Variants in SPOCK1 observed in about 807,000 individuals in gnomAD.
SPOCK1 encodes SPARC (osteonectin), cwcv and kazal like domains proteoglycan 1.
In SPOCK1, 23 loss-of-function variants were observed where a neutral mutation model predicts 55.3. The observed-to-expected ratio is 0.42, with a 90% CI of 0.30 to 0.59. The LOEUF is 0.59. SPOCK1 is among the 20% of genes least tolerant of loss of function. SPOCK1 has a pLI of 0.22. For synonymous variants in SPOCK1, 226 were observed against 221.0 expected (o/e 1.02, Z -0.20); for missense variants, 499 against 552.5 (o/e 0.90, Z 0.97).
chr5:137,476,168 T>G (rs762213836), intron 2 of SPOCK1, among the ~76,000 whole-genome samples: 7 of 152,168 alleles, frequency 4.6e-5, no homozygotes, highest in African/African-American at 7.2e-5. Flanking sequence ...ACAGTTATTT[T>G]TCCTGATTCT....
chr5:137,072,347 C>G (rs1752636612), intron 5 of SPOCK1, among the ~76,000 whole-genome samples: 1 of 152,172 alleles, frequency 6.6e-6, no homozygotes, highest in Non-Finnish European at 1.5e-5. Flanking sequence ...CATACTCATA[C>G]ACAACATATT....
intron 3 of SPOCK1, among the ~76,000 whole-genome samples, chr5:137,252,891 AC>A (rs1385791777): frequency 2.0e-5 from 3 of 152,140 alleles, no homozygotes; most frequent in Non-Finnish European, 4.4e-5. Context: ...AAGCTGGACA[AC>A]AGCACACTGG....
intron 3 of SPOCK1, among the ~76,000 whole-genome samples, chr5:137,183,653 T>C (rs550430633): frequency 3.9e-5 from 6 of 152,332 alleles, no homozygotes; most frequent in South Asian, 4.1e-4. Context: ...CTGTGGGTCA[T>C]CAGCTACCTG....
chr5:137,404,120 C>G (rs1043129459), intron 2 of SPOCK1, among the ~76,000 whole-genome samples: 1 of 152,176 alleles, frequency 6.6e-6, no homozygotes, highest in Non-Finnish European at 1.5e-5. Context: ...ACACTCACTG[C>G]TCTGATCCTG....
In SPOCK1 at chr5:136,978,514, T is replaced by TTGTC; in HGVS notation, c.*136_*139dup. Reference sequence around the variant, plus strand: ...ATCAGAATCCTCTGGGAACAAGCAGTTGTCTTCCAAACCTTAGGTCGGGTA... The same window carrying TTGTC: ...ATCAGAATCCTCTGGGAACAAGCAGTTGTCTGTCTTCCAAACCTTAGGTCGGGTA... On this transcript the variant is annotated 3_prime_UTR_variant, in exon 11 of 11. Coordinates refer to ENST00000394945, the MANE Select transcript of SPOCK1 (RefSeq NM_004598.4). 1.3e-6 allele frequency: 1 copy of TTGTC among 751,800 alleles called. No homozygotes were observed. Among genetic ancestry groups the TTGTC allele is most frequent in the East Asian group, 2.9e-5 (1 of 34,828 alleles). 46.6% of individuals were successfully genotyped at this position (751,800 alleles called of 1,614,324 possible). A position where few individuals can be genotyped will look rare whatever the true frequency, so the allele number is the denominator to read the frequency against.
At chr5:137,453,602 G>T (rs1753304020) in intron 2 of SPOCK1, among the ~76,000 whole-genome samples, 1 of 152,124 alleles carries the variant, frequency 6.6e-6, no homozygotes. Flanking sequence ...CTAATTTCAG[G>T]GAGCAAAAGG....
chr5:137,067,282 T>G (rs1474926602), intron 6 of SPOCK1, among the ~76,000 whole-genome samples: 1 of 152,160 alleles, frequency 6.6e-6, no homozygotes, highest in Non-Finnish European at 1.5e-5. Flanking sequence ...CAGAATATAT[T>G]AATAAAGAAA....
At position 137,245,108 on chromosome 5, in the gene SPOCK1, C is replaced by T. The variant is rs184102490; in HGVS notation, c.232+21902G>A. 1.6e-4 allele frequency among the ~76,000 whole-genome samples: 24 copies of T among 152,214 alleles called. No individual in the cohort carries two copies. In the East Asian group the frequency reaches 2.1e-3, roughly 13 times the overall value. On this transcript the variant is annotated intron_variant, in intron 3 of 10. Transcript: ENST00000394945. ...CTCTCTCCCTCCCACCCCTATCCTC[C>T]GCAAAATTAACAAGGTATTAGTGAA...
chr5:137,456,510 T>C (rs1245119555), intron 2 of SPOCK1, among the ~76,000 whole-genome samples: 1 of 152,230 alleles, frequency 6.6e-6, no homozygotes, highest in Non-Finnish European at 1.5e-5. Context: ...AGATTGTATA[T>C]TTATATCCAA....
intron 2 of SPOCK1, among the ~76,000 whole-genome samples, chr5:137,389,032 C>A (rs889411809): frequency 1.3e-5 from 2 of 152,208 alleles, no homozygotes; most frequent in Non-Finnish European, 2.9e-5. Context: ...AAAGACCAAT[C>A]AAGACAGGAT....
At chr5:137,354,002 T>A (rs985947524) in intron 2 of SPOCK1, among the ~76,000 whole-genome samples, 2 of 152,144 alleles carry the variant, frequency 1.3e-5, no homozygotes, top group Non-Finnish European at 2.9e-5. Flanking sequence ...CTGCCGAAAG[T>A]GGGAAACTCT....
chr5:136,980,567 A>C (rs1207213983), intron 9 of SPOCK1, among the ~76,000 whole-genome samples: 1 of 152,186 alleles, frequency 6.6e-6, no homozygotes, highest in Non-Finnish European at 1.5e-5. Context: ...AAGTCTCACA[A>C]GATCTGATAG....
At chr5:137,079,391 C>T (rs2127012646) in intron 5 of SPOCK1, among the ~76,000 whole-genome samples, 1 of 150,868 alleles carries the variant, frequency 6.6e-6, no homozygotes, top group East Asian at 2.0e-4. Context: ...GCTCTGTTGT[C>T]ATCTCCAATG....
intron 3 of SPOCK1, among the ~76,000 whole-genome samples, chr5:137,211,009 C>T (rs1265213144): frequency 4.6e-5 from 7 of 152,198 alleles, no homozygotes. Context: ...GCCAACACAC[C>T]AGCAGCAGAG....
chr5:137,131,971 CAAAAAAAAAA>C (rs1156253291), intron 4 of SPOCK1, among the ~76,000 whole-genome samples: 1 of 12,720 alleles, frequency 7.9e-5, no homozygotes. Flanking sequence ...GACTCCGTCT[CAAAAAAAAAA>C]AAAAAAAAAT....
intron 3 of SPOCK1, among the ~76,000 whole-genome samples, chr5:137,250,587 A>T (rs1756491423): frequency 6.6e-6 from 1 of 152,074 alleles, no homozygotes; most frequent in East Asian, 1.9e-4. Context: ...CATCCTCCCC[A>T]CTGCCTGCCA....
intron 2 of SPOCK1, among the ~76,000 whole-genome samples, chr5:137,396,887 T>A (rs1934339533): frequency 6.6e-6 from 1 of 152,050 alleles, no homozygotes; most frequent in African/African-American, 2.4e-5. Flanking sequence ...GGGCCATCTA[T>A]CCCCCTTAAA....
intron 3 of SPOCK1, among the ~76,000 whole-genome samples, chr5:137,238,035 C>T (rs1756212261): frequency 6.6e-6 from 1 of 152,080 alleles, no homozygotes; most frequent in Non-Finnish European, 1.5e-5. Flanking sequence ...GTGATTCCTC[C>T]CTTTACAGCT....
intron 2 of SPOCK1, among the ~76,000 whole-genome samples, chr5:137,333,557 G>A (rs1274892177): frequency 6.6e-6 from 1 of 152,164 alleles, no homozygotes; most frequent in East Asian, 1.9e-4. Flanking sequence ...CCGGGCCTGA[G>A]GATGTTTTGA....
Sources: allele counts gnomAD v4.1 joint callset (sites outside exome capture counted in the v4.1 genomes callset), GRCh38; gene constraint gnomAD v4.1.1; transcripts MANE v1.5; gene names NCBI Gene and HGNC (gene_info 2026-07-23, HGNC 2026-07-21).